ROBO2: variants seen among roughly 807,000 people sequenced by gnomAD.
The protein encoded by ROBO2 is roundabout guidance receptor 2, also known as roundabout homolog 2.
ROBO2 carries 53 observed loss-of-function variants against 160.8 expected under a neutral mutation model. The observed-to-expected ratio is 0.33, with a 90% CI of 0.26 to 0.41. The LOEUF (loss-of-function observed/expected upper bound fraction) is 0.41. Among genes scored for constraint, ROBO2 ranks in the 10% least tolerant of loss-of-function variants. The pLI, the probability that ROBO2 is intolerant of heterozygous loss-of-function variation, is 1.00. For synonymous variants in ROBO2, 664 were observed against 611.7 expected (o/e 1.09, Z -1.26); for missense variants, 1,577 against 1,722.4 (o/e 0.92, Z 1.49).
chr3:77,301,644 TTAGG>T (rs2062665632), intron 2 of ROBO2, among the ~76,000 whole-genome samples: 1 of 152,254 alleles, frequency 6.6e-6, no homozygotes, highest in African/African-American at 2.4e-5. Flanking sequence ...ATCTGAAAAG[TTAGG>T]CATAAACACT....
intron 2 of ROBO2, among the ~76,000 whole-genome samples, chr3:76,565,029 C>T (rs2084426793): frequency 6.6e-6 from 1 of 152,156 alleles, no homozygotes; most frequent in South Asian, 2.1e-4. Flanking sequence ...TGGTGTAAAT[C>T]ATGACCATCC....
At chr3:76,728,235 C>T (rs2093583429) in intron 2 of ROBO2, among the ~76,000 whole-genome samples, 1 of 152,040 alleles carries the variant, frequency 6.6e-6, no homozygotes. Context: ...TGTATGTGCC[C>T]CCTTGTTTTC....
intron 1 of ROBO2, among the ~76,000 whole-genome samples, chr3:77,070,569 T>A (rs2067302402): frequency 1.3e-5 from 2 of 152,108 alleles, no homozygotes; most frequent in South Asian, 4.1e-4. Flanking sequence ...TGGATGGGCA[T>A]GGATTTTGCA....
rs368587141 is a variant in ROBO2 at position 76,072,809 on chromosome 3, T to C, written c.109+135207T>C. On this transcript the variant is annotated intron_variant, in intron 2 of 26. Coordinates refer to the ROBO2 transcript ENST00000487694. ...TCAAGCGATGTTCACGAAACCCCAG[T>C]GCAGGAATGTAGGCAGGCCTCAGAG... 7.2e-5 allele frequency among the ~76,000 whole-genome samples: 11 copies of C among 152,292 alleles called. No individual in the cohort carries two copies. The South Asian group carries it at 2.1e-3, about 29-fold the overall frequency.
intron 2 of ROBO2, among the ~76,000 whole-genome samples, chr3:76,973,129 G>C (rs2059651101): frequency 6.6e-6 from 1 of 152,142 alleles, no homozygotes; most frequent in South Asian, 2.1e-4. Flanking sequence ...AGGAAGATAA[G>C]CTGAGACCCA....
At chr3:77,409,209 C>A (rs2076507305) in intron 2 of ROBO2, among the ~76,000 whole-genome samples, 1 of 151,096 alleles carries the variant, frequency 6.6e-6, no homozygotes, top group African/African-American at 2.4e-5. Flanking sequence ...GTTGCTAATT[C>A]ATAGTTTCTG....
intron 5 of ROBO2, among the ~76,000 whole-genome samples, chr3:77,511,694 A>G (rs528214739): frequency 9.9e-5 from 15 of 152,064 alleles, no homozygotes; most frequent in African/African-American, 3.6e-4. Flanking sequence ...TGGGAAGTCA[A>G]GAGAGGCTAA....
At chr3:76,019,827 G>A (rs561716038) in intron 2 of ROBO2, among the ~76,000 whole-genome samples, 40 of 150,212 alleles carry the variant, frequency 2.7e-4, no homozygotes, top group East Asian at 7.9e-4. Flanking sequence ...AGTTCTGTGC[G>A]TATCTGAGAA....
At chr3:77,183,840 T>C (rs1251893470) in intron 2 of ROBO2, among the ~76,000 whole-genome samples, 1 of 152,104 alleles carries the variant, frequency 6.6e-6, no homozygotes, top group Non-Finnish European at 1.5e-5. Context: ...GTTGAATTGA[T>C]TAACTTTCTT....
chr3:76,218,825 T>C (rs533063054), intron 2 of ROBO2, among the ~76,000 whole-genome samples: 105 of 152,292 alleles, frequency 6.9e-4, no homozygotes, highest in African/African-American at 2.5e-3. Context: ...TGAAAGTTCA[T>C]ATGGAACCAA....
At chr3:76,139,298 G>T (rs2071545425) in intron 2 of ROBO2, among the ~76,000 whole-genome samples, 1 of 151,834 alleles carries the variant, frequency 6.6e-6, no homozygotes, top group Admixed American at 6.6e-5. Flanking sequence ...TTTTCTCAAA[G>T]GGATAAAATT....
intron 6 of ROBO2, among the ~76,000 whole-genome samples, chr3:77,530,334 C>G (rs2091577123): frequency 1.3e-5 from 2 of 152,004 alleles, no homozygotes; most frequent in Non-Finnish European, 2.9e-5. Context: ...CACTACATTA[C>G]TCACTGGATG....
intron 2 of ROBO2, among the ~76,000 whole-genome samples, chr3:76,696,435 C>T (rs548388441): frequency 6.6e-5 from 10 of 150,570 alleles, no homozygotes; most frequent in South Asian, 2.1e-4. Flanking sequence ...AGCTCCCATA[C>T]GAAGGGAGGG....
intron 2 of ROBO2, among the ~76,000 whole-genome samples, chr3:76,876,119 G>A (rs894569423): frequency 2.6e-5 from 4 of 152,034 alleles, no homozygotes; most frequent in Non-Finnish European, 4.4e-5. Flanking sequence ...GACATCTTTT[G>A]GGTACCTTTA....
intron 2 of ROBO2, among the ~76,000 whole-genome samples, chr3:77,178,318 C>G (rs2080354679): frequency 6.6e-6 from 1 of 151,966 alleles, no homozygotes. Flanking sequence ...GATACAGTGG[C>G]AGAATACCTC....
intron 2 of ROBO2, among the ~76,000 whole-genome samples, chr3:76,272,722 A>ATATAAAATATATATATATT (rs1707525122): frequency 1.9e-4 from 10 of 52,836 alleles, no homozygotes; most frequent in South Asian, 5.7e-4. Flanking sequence ...TATATTATAT[A>ATATAAAATATATATATATT]CACATATAAA....
At chr3:77,212,542 C>G (rs1429941142) in intron 2 of ROBO2, among the ~76,000 whole-genome samples, 1 of 152,156 alleles carries the variant, frequency 6.6e-6, no homozygotes, top group East Asian at 1.9e-4. Context: ...TTGATTTCCT[C>G]TTTTCCTAAT....
At chr3:76,205,015 C>T (rs1283196957) in intron 2 of ROBO2, among the ~76,000 whole-genome samples, 1 of 152,092 alleles carries the variant, frequency 6.6e-6, no homozygotes, top group Non-Finnish European at 1.5e-5. Flanking sequence ...GGAAATATCA[C>T]TGAGACGAAG....
chr3:76,388,804 C>G (rs150566267), intron 2 of ROBO2, among the ~76,000 whole-genome samples: 1 of 152,142 alleles, frequency 6.6e-6, no homozygotes, highest in Non-Finnish European at 1.5e-5. Flanking sequence ...ATCCATTTAT[C>G]TATTCCATAA....
Sources: gnomAD v4.1 joint callset for allele counts (sites outside exome capture counted in the v4.1 genomes callset) on GRCh38, gnomAD v4.1.1 for gene constraint, MANE v1.5 for transcripts, NCBI Gene and HGNC (gene_info 2026-07-23, HGNC 2026-07-21) for gene names.